KAZN: variants seen among roughly 807,000 people sequenced by gnomAD.
KAZN encodes kazrin, periplakin interacting protein.
In KAZN, 40 loss-of-function variants were observed where a neutral mutation model predicts 87.4. The ratio of observed to expected loss-of-function variants is 0.46; its 90% CI spans 0.36 to 0.60. The LOEUF (loss-of-function observed/expected upper bound fraction) is 0.60, where lower values mean the gene tolerates loss of function less well. Among genes scored for constraint, KAZN ranks in the 20% least tolerant of loss-of-function variants. KAZN has a pLI of 0.00. For missense variants in KAZN, 898 were observed against 1,073.9 expected (o/e 0.84, Z 2.29); for synonymous variants, 466 against 458.3 (o/e 1.02, Z -0.22).
At chr1:14,704,781 C>A (rs578006438) in intron 1 of KAZN, among the ~76,000 whole-genome samples, 1 of 152,312 alleles carries the variant, frequency 6.6e-6, no homozygotes, top group Admixed American at 6.5e-5. Context: ...AGAGACATGG[C>A]AGGAGGGCAG....
chr1:14,420,385 C>A (rs1013841896), intron 2 of KAZN, among the ~76,000 whole-genome samples: 11 of 152,206 alleles, frequency 7.2e-5, no homozygotes, highest in Non-Finnish European at 1.3e-4. Flanking sequence ...TAAATAAATT[C>A]TCCAAGTACC....
rs76609256 is a variant in KAZN at position 14,813,557 on chromosome 1, G to A, written c.227-147127G>A. Among the ~76,000 whole-genome samples the A allele has an allele frequency of 4.1e-3, 632 of 152,324 alleles. 2 individuals are homozygous for A. The highest frequency in any genetic ancestry group is 0.014 in the African/African-American group (590 of 41,588). On this transcript the variant is annotated intron_variant, in intron 1 of 14. Coordinates refer to ENST00000376030, the MANE Select transcript of KAZN (RefSeq NM_201628.3). ...GACCCCTCGGTTAATGCCATGTGGA[G>A]CAGAGTCAAACTGTCCTCACCCACC... is the stretch of plus-strand genomic sequence containing the variant.
At chr1:14,763,837 C>A (rs772343061) in intron 1 of KAZN, among the ~76,000 whole-genome samples, 26 of 152,184 alleles carry the variant, frequency 1.7e-4, no homozygotes, top group Non-Finnish European at 3.4e-4. Context: ...GCAACTTCCG[C>A]CTCCCAGGTT....
chr1:14,164,454 T>TTGTGTGTGTGTGTGTG (rs59816103), intron 1 of KAZN, among the ~76,000 whole-genome samples: 108 of 144,734 alleles, frequency 7.5e-4, no homozygotes, highest in African/African-American at 2.4e-3. Context: ...CACTATGGCT[T>TTGTGTGTGTGTGTGTG]TGTGTGTGTG....
chr1:14,086,318 G>A (rs1643852598), intron 1 of KAZN, among the ~76,000 whole-genome samples: 1 of 152,070 alleles, frequency 6.6e-6, no homozygotes, highest in Non-Finnish European at 1.5e-5. Flanking sequence ...AGCCTGGCAG[G>A]CATTAGCTAT....
intron 1 of KAZN, among the ~76,000 whole-genome samples, chr1:14,109,480 A>G (rs368488515): frequency 6.6e-6 from 1 of 152,040 alleles, no homozygotes; most frequent in Non-Finnish European, 1.5e-5. Context: ...TGAGTTCCTT[A>G]GCTTAGTTTG....
intron 2 of KAZN, among the ~76,000 whole-genome samples, chr1:14,539,992 A>C (rs3933359): frequency 0.96 from 146,363 of 152,154 alleles, 70,660 homozygotes; most frequent in East Asian, 1. Flanking sequence ...AAACTCGCTC[A>C]CCATCCCCAG....
At chr1:13,969,492 A>G (rs531033169) in intron 1 of KAZN, among the ~76,000 whole-genome samples, 216 of 152,322 alleles carry the variant, frequency 1.4e-3, no homozygotes, top group African/African-American at 5.1e-3. Context: ...AAGCTAAGTG[A>G]GAGGCATGAA....
chr1:13,903,596 A>C (rs1271613539), intron 1 of KAZN, among the ~76,000 whole-genome samples: 8 of 152,154 alleles, frequency 5.3e-5, no homozygotes, highest in Admixed American at 5.2e-4. Flanking sequence ...CTGAAACTTG[A>C]AGTCTTCTCT....
chr1:14,395,710 G>A (rs912548336), intron 2 of KAZN, among the ~76,000 whole-genome samples: 5 of 152,180 alleles, frequency 3.3e-5, no homozygotes, highest in Admixed American at 2.6e-4. Flanking sequence ...CAGCCTCCCA[G>A]GGAAAGATGC....
At chr1:14,649,876 G>A (rs143301231) in intron 1 of KAZN, among the ~76,000 whole-genome samples, 5 of 152,054 alleles carry the variant, frequency 3.3e-5, no homozygotes, top group South Asian at 2.1e-4. Context: ...TGTAGTGTGC[G>A]TTGGTGGAAT....
At chr1:14,021,462 C>G (rs1276030412) in intron 1 of KAZN, among the ~76,000 whole-genome samples, 6 of 152,166 alleles carry the variant, frequency 3.9e-5, no homozygotes, top group Non-Finnish European at 8.8e-5. Context: ...AGTTCAATGA[C>G]TTAAAGCAGT....
intron 2 of KAZN, among the ~76,000 whole-genome samples, chr1:15,014,996 A>T (rs914721062): frequency 2.0e-5 from 3 of 152,088 alleles, no homozygotes; most frequent in African/African-American, 7.3e-5. Context: ...AATGGGAATC[A>T]TAGTAGTTAA....
intron 1 of KAZN, among the ~76,000 whole-genome samples, chr1:14,649,668 C>A (rs1244483095): frequency 6.6e-6 from 1 of 152,124 alleles, no homozygotes; most frequent in Non-Finnish European, 1.5e-5. Flanking sequence ...CCAACAAAGC[C>A]TGTCAATTAG....
intron 1 of KAZN, among the ~76,000 whole-genome samples, chr1:14,834,195 C>G (rs1379401357): frequency 2.0e-5 from 3 of 151,862 alleles, no homozygotes; most frequent in Non-Finnish European, 4.4e-5. Flanking sequence ...GCCACCACGC[C>G]TGGCTAATTT....
chr1:14,910,869 G>T (rs951715224), intron 1 of KAZN, among the ~76,000 whole-genome samples: 5 of 152,082 alleles, frequency 3.3e-5, no homozygotes, highest in Admixed American at 1.3e-4. Context: ...CTTAAATGTC[G>T]GCAACTAATG....
At chr1:14,653,979 A>G (rs1305427443) in intron 1 of KAZN, among the ~76,000 whole-genome samples, 2 of 152,112 alleles carry the variant, frequency 1.3e-5, no homozygotes, top group African/African-American at 4.8e-5. Flanking sequence ...TCTCCCCACA[A>G]TTATAACAAC....
intron 13 of KAZN, among the ~76,000 whole-genome samples, chr1:15,107,144 T>G (rs545415): frequency 0.21 from 31,556 of 152,088 alleles, 3,710 homozygotes; most frequent in East Asian, 0.53. Flanking sequence ...TAAGCTAGAA[T>G]AGTGCCCCTT....
rs1557517272 is a variant in KAZN at position 14,814,222 on chromosome 1, T to TTA, written c.227-146461_227-146460insAT. Among the ~76,000 whole-genome samples the TTA allele has an allele frequency of 3.2e-4, 48 of 152,126 alleles. No homozygotes were observed. The East Asian group carries it at 7.8e-3, about 25-fold the overall frequency. Reference sequence around the variant, plus strand: ...ACACATGGTCAAAGACTGGATCTTTTTTATTATTATTATTACTTTTTTGAG... The same window carrying TTA: ...ACACATGGTCAAAGACTGGATCTTTTTATTATTATTATTATTACTTTTTTGAG... On this transcript the variant is annotated intron_variant, in intron 1 of 14. Transcript: ENST00000376030.
Sources: allele counts gnomAD v4.1 joint callset (sites outside exome capture counted in the v4.1 genomes callset), GRCh38; gene constraint gnomAD v4.1.1; transcripts MANE v1.5; gene names NCBI Gene and HGNC (gene_info 2026-07-23, HGNC 2026-07-21).